The following C18orf54 variants were observed in gnomAD, a reference collection of about 807,000 sequenced individuals.
The protein encoded by C18orf54 is chromosome 18 open reading frame 54.
A neutral mutation model predicts 49.3 loss-of-function variants in C18orf54; 49 were observed. The ratio of observed to expected loss-of-function variants is 0.99; its 90% CI spans 0.79 to 1.26. The LOEUF is 1.26. C18orf54 is among the 50% of genes most tolerant of loss of function. The probability of loss-of-function intolerance (pLI) is 0.00; values close to 1 mark genes in which losing one functional copy is unlikely to be tolerated. For missense variants in C18orf54, 687 were observed against 620.6 expected, an observed-to-expected ratio of 1.11 and a Z score of -1.14; for synonymous variants, 211 against 216.6, an observed-to-expected ratio of 0.97 and a Z score of 0.23.
chr18:54,362,801 C>T lies in C18orf54; in HGVS notation c.1103C>T (p.Ala368Val), dbSNP rs143596631. Reference protein sequence around the residue: ...GDKIELLILKAKRNLEQCTEE... With the variant: ...GDKIELLILKVKRNLEQCTEE... ...AAAATTGAATTGCTTATCTTGAAGG[C>T]CAAGAGAAATCTAGAGCAGTGTACT... The change falls in exon 5 of 9, where the codon GCC becomes GTC. Residue 368 changes from alanine (A) to valine (V), a missense_variant. By Grantham distance (64) the Ala-to-Val change is moderately conservative. Coordinates refer to ENST00000620105, the MANE Select transcript of C18orf54 (RefSeq NM_001288980.2). The T allele has an allele frequency of 2.5e-5, 40 of 1,607,792 alleles. No homozygotes were observed. The highest frequency in any genetic ancestry group is 3.2e-5 in the Non-Finnish European group (38 of 1,178,644).
Position 54,361,771 on chromosome 18 carries a change from TC to T in C18orf54, c.413del (p.Ser138PhefsTer54). On this transcript the variant is annotated frameshift_variant, in exon 4 of 9. Transcript: ENST00000620105. LOFTEE classifies it high-confidence loss of function. ...AAGACTCCCAGCAGATGGATCATTTTCTTATACTTATGTTGGACCGAGTCAC... is the reference window on the plus strand; with the variant it reads ...AAGACTCCCAGCAGATGGATCATTTTTTATACTTATGTTGGACCGAGTCAC... ...LLRLPADGSF[S>X]YTYVGPSHRT... 1 of 1,614,114 alleles carries T rather than the reference TC, an allele frequency of 6.2e-7. No homozygotes were observed. Among genetic ancestry groups the T allele is most frequent in the Non-Finnish European group, 8.5e-7 (1 of 1,179,982 alleles).
chr18:54,374,185 T>C, intron 7 of C18orf54, 29 bp from the exon 8 acceptor site: 1 of 1,467,830 alleles, frequency 6.8e-7, no homozygotes, highest in Non-Finnish European at 9.2e-7. Flanking sequence ...ATTTTAATAT[T>C]TTGTTATATT....
chr18:54,364,939 A>G (rs1351065004), intron 5 of C18orf54, among the ~76,000 whole-genome samples: 1 of 152,064 alleles, frequency 6.6e-6, no homozygotes, highest in Non-Finnish European at 1.5e-5. Flanking sequence ...GTGTTGTAAG[A>G]ATAAGAGAGA....
intron 8 of C18orf54, 55 bp downstream of exon 8, chr18:54,374,339 T>C: frequency 6.7e-7 from 1 of 1,497,632 alleles, no homozygotes; most frequent in Non-Finnish European, 8.9e-7. Context: ...TTCTTTGACA[T>C]ATGTAAAGTT....
chr18:54,373,405 T>A (rs1246395506), intron 7 of C18orf54, among the ~76,000 whole-genome samples: 3 of 151,952 alleles, frequency 2.0e-5, no homozygotes, highest in Non-Finnish European at 4.4e-5. Context: ...GTGGAGAACA[T>A]GTAAAACCTG....
chr18:54,365,693 T>C, intron 5 of C18orf54, 26 bp from the exon 6 acceptor site: 1 of 1,388,662 alleles, frequency 7.2e-7, no homozygotes, highest in Non-Finnish European at 1.0e-6. Context: ...TTAATTGCTA[T>C]CTTGCATCCT....
At position 54,360,737 on chromosome 18, in the gene C18orf54, T is replaced by A. The variant is rs768950893; in HGVS notation, c.165T>A (p.Tyr55Ter). 1 of 1,614,104 alleles carries A rather than the reference T, an allele frequency of 6.2e-7. No homozygotes were observed. Among genetic ancestry groups the A allele is most frequent in the Non-Finnish European group, 8.5e-7 (1 of 1,179,952 alleles). Residue 55 changes from tyrosine to a stop codon, truncating the protein, a stop_gained, in exon 3 of 9, where the codon TAT becomes TAA. Coordinates refer to ENST00000620105, the MANE Select transcript of C18orf54 (RefSeq NM_001288980.2). LOFTEE classifies it high-confidence loss of function. Reference protein sequence around the residue: ...YRSASQALQAYIDDFDLGQIY... With the variant: ...YRSASQALQA ...CTGCTTCTCAAGCTCTACAGGCTTA[T>A]ATTGATGATTTTGATCTAGGCCAAA... is the stretch of plus-strand genomic sequence containing the variant.
At position 54,362,053 on chromosome 18, in the gene C18orf54, A is replaced by G. The variant is rs768977859; in HGVS notation, c.694A>G (p.Ser232Gly). Residue 232 changes from serine to glycine, a missense_variant, in exon 4 of 9, where the codon AGT (serine) becomes GGT (glycine). Transcript: ENST00000620105. ...GTCTTTCAAGGACAGTTCAGAACAC[A>G]GTCTTGAAAAGAATTACCCAAGATG... ...KSSFKDSSEH[S>G]LEKNYPRWLT... is the part of the protein sequence containing the mutation. The G allele has an allele frequency of 4.5e-6, 7 of 1,560,318 alleles. No homozygotes were observed. The highest frequency in any genetic ancestry group is 6.1e-6 in the Non-Finnish European group (7 of 1,154,134).
intron 8 of C18orf54, among the ~76,000 whole-genome samples, chr18:54,374,556 A>G (rs1426992565): frequency 6.6e-6 from 1 of 151,902 alleles, no homozygotes; most frequent in Non-Finnish European, 1.5e-5. Context: ...GCAACAATTT[A>G]TGATAGTATT....
rs2089289519 is a variant in C18orf54, at chr18:54,362,361, T to C, written c.1002T>C (p.Cys334=). ...AAGAATTAGTTAATGAATACAAATG[T>C]GATTTTGAACATAGCCAGTGTCAAT... ...DDKELVNEYK[C]DFEHSQCQCE... The change falls in exon 4 of 9, where the codon TGT becomes TGC. Residue 334 remains cysteine (C), a synonymous_variant. Transcript: ENST00000620105. 6.5e-7 allele frequency: 1 copy of C among 1,535,626 alleles called. No individual in the cohort carries two copies. The highest frequency in any genetic ancestry group is 2.0e-5 in the Admixed American group (1 of 50,962).
Position 54,365,725 on chromosome 18 carries a change from T to C in C18orf54, c.1230T>C (p.Ser410=). ...TCCTTTAAATCCTGTTTAGCAAATC[T>C]CCTGTTCCCGTTAACTCTGATGATA... ...SWENIPVTFK[S]PVPVNSDDSP... Residue 410 remains serine, a synonymous_variant, in exon 6 of 9, where the codon TCT becomes TCC. Transcript: ENST00000620105. The C allele has an allele frequency of 1.3e-6, 2 of 1,584,888 alleles. No individual in the cohort carries two copies. Among genetic ancestry groups the C allele is most frequent in the South Asian group, 1.2e-5 (1 of 86,498 alleles).
At chr18:54,372,157 A>G (rs1408277026) in intron 6 of C18orf54, among the ~76,000 whole-genome samples, 1 of 151,952 alleles carries the variant, frequency 6.6e-6, no homozygotes, top group Non-Finnish European at 1.5e-5. Flanking sequence ...CATTTCATTT[A>G]CAATTTGTGA....
intron 8 of C18orf54, among the ~76,000 whole-genome samples, chr18:54,376,575 C>T (rs2089574216): frequency 6.6e-6 from 1 of 152,166 alleles, no homozygotes; most frequent in South Asian, 2.1e-4. Flanking sequence ...CTCAGGTGAT[C>T]CACCCACCTC....
intron 5 of C18orf54, 105 bp downstream of exon 5, chr18:54,363,026 C>T (rs2089303900): frequency 1.8e-6 from 2 of 1,101,318 alleles, no homozygotes; most frequent in Non-Finnish European, 2.6e-6. Flanking sequence ...TATTGTAACT[C>T]CATAGAACAT....
chr18:54,374,316 C>T (rs749174558), intron 8 of C18orf54, 32 bp downstream of exon 8: 6 of 1,524,782 alleles, frequency 3.9e-6, no homozygotes, highest in South Asian at 1.3e-5. Context: ...GGATACAAAT[C>T]CATCTTAGCC....
intron 5 of C18orf54, among the ~76,000 whole-genome samples, chr18:54,365,418 C>T (rs1240173915): frequency 2.0e-5 from 3 of 151,344 alleles, no homozygotes; most frequent in African/African-American, 7.3e-5. Flanking sequence ...ACAAGGTGAG[C>T]TTTTGGAGCA....
rs996609696 is a variant in C18orf54 at position 54,381,094 on chromosome 18, C to T, written c.*2848C>T. 1.3e-5 allele frequency: 2 copies of T among 152,112 alleles called. No homozygotes were observed. The highest frequency in any genetic ancestry group is 6.5e-5 in the Admixed American group (1 of 15,268). 9.4% of individuals were successfully genotyped at this position (152,112 alleles called of 1,614,324 possible). ...TGTTGCGTTGGATTGCAGTGCCTAT[C>T]ATACAGTGATTGGAGTAAATTGAGG... is the stretch of plus-strand genomic sequence containing the variant. On this transcript the variant is annotated 3_prime_UTR_variant, in exon 9 of 9. Coordinates refer to ENST00000620105, the MANE Select transcript of C18orf54 (RefSeq NM_001288980.2).
Position 54,361,690 on chromosome 18 carries a change from A to G in C18orf54, c.331A>G (p.Arg111Gly), listed in dbSNP as rs1284947904. The G allele has an allele frequency of 3.1e-6, 5 of 1,612,762 alleles. No homozygotes were observed. The highest frequency in any genetic ancestry group is 4.2e-6 in the Non-Finnish European group (5 of 1,179,584). ...HKKHSNFISC[R>G]RHTVNDIDSM... ...AAAGCACTCAAACTTCATATCCTGTAGAAGACACACCGTTAATGACATAGA... is the reference window on the plus strand; with the variant it reads ...AAAGCACTCAAACTTCATATCCTGTGGAAGACACACCGTTAATGACATAGA... Residue 111 changes from arginine (R) to glycine (G), a missense_variant, in exon 4 of 9, where the codon AGA (arginine) becomes GGA (glycine). Physicochemically the swap from Arg to Gly is moderately radical, Grantham distance 125. Coordinates refer to ENST00000620105, the MANE Select transcript of C18orf54 (RefSeq NM_001288980.2).
chr18:54,370,110 A>G (rs2089459883), intron 6 of C18orf54, among the ~76,000 whole-genome samples: 1 of 152,044 alleles, frequency 6.6e-6, no homozygotes, highest in Admixed American at 6.6e-5. Context: ...CCCTGTCTCT[A>G]CTAAAAAATA....
Sources: gnomAD v4.1 joint callset for allele counts (sites outside exome capture counted in the v4.1 genomes callset) on GRCh38, gnomAD v4.1.1 for gene constraint, MANE v1.5 for transcripts, NCBI Gene and HGNC (gene_info 2026-07-23, HGNC 2026-07-21) for gene names.